The following POPDC1 variants were observed in gnomAD, a reference collection of about 807,000 sequenced individuals.
POPDC1 encodes popeye domain cAMP effector 1, also known as popeye domain-containing protein 1.
the POPDC1 span, chr6:105,101,062 T>C: frequency 6.3e-7 from 1 of 1,590,102 alleles, no homozygotes; most frequent in Admixed American, 1.8e-5. Flanking sequence ...ACACCTTCCG[T>C]CTTGGTAACC....
the POPDC1 span, chr6:105,115,698 T>G: frequency 1.2e-6 from 2 of 1,614,012 alleles, no homozygotes; most frequent in East Asian, 4.5e-5. Flanking sequence ...AGAGAGGACA[T>G]GCTGGAGGTA....
the POPDC1 span, among the ~76,000 whole-genome samples, chr6:105,112,957 G>T: frequency 1.3e-5 from 2 of 150,994 alleles, no homozygotes; most frequent in African/African-American, 4.9e-5. Flanking sequence ...TTTGATACAG[G>T]TCTCACTCTA....
chr6:105,117,410 C>T, the POPDC1 span, among the ~76,000 whole-genome samples: 7 of 152,254 alleles, frequency 4.6e-5, no homozygotes, highest in East Asian at 3.9e-4. Context: ...AGGTGTTTCT[C>T]GAGTGTCACA....
At chr6:105,103,894 G>A in the POPDC1 span, among the ~76,000 whole-genome samples, 145 of 152,304 alleles carry the variant, frequency 9.5e-4, no homozygotes, top group African/African-American at 3.4e-3. Context: ...AAATGGTTAA[G>A]TGAGAACTTC....
chr6:105,125,829 G>A, the POPDC1 span, among the ~76,000 whole-genome samples: 1 of 152,192 alleles, frequency 6.6e-6, no homozygotes, highest in Non-Finnish European at 1.5e-5. Context: ...TTGGGAGGCT[G>A]AGGTGGGAGG....
the POPDC1 span, among the ~76,000 whole-genome samples, chr6:105,128,108 G>A: frequency 6.6e-6 from 1 of 152,122 alleles, no homozygotes. Flanking sequence ...GTTTTTTTGA[G>A]CACCTACTGT....
At chr6:105,120,787 G>A in the POPDC1 span, among the ~76,000 whole-genome samples, 7 of 152,172 alleles carry the variant, frequency 4.6e-5, no homozygotes, top group East Asian at 3.8e-4. Context: ...ATCAGAAACC[G>A]CAGTGTGGCA....
chr6:105,129,615 T>TA, the POPDC1 span: 3 of 1,102,410 alleles, frequency 2.7e-6, no homozygotes, highest in South Asian at 6.3e-5. Context: ...CTGAAGGTGA[T>TA]ACTTTGCAAG....
the POPDC1 span, among the ~76,000 whole-genome samples, chr6:105,119,505 G>A: frequency 7.9e-5 from 12 of 152,138 alleles, no homozygotes; most frequent in South Asian, 2.1e-4. Context: ...TCCCACAGAC[G>A]GTATGAGGTG....
the POPDC1 span, among the ~76,000 whole-genome samples, chr6:105,115,312 T>C: frequency 6.6e-6 from 1 of 152,066 alleles, no homozygotes; most frequent in Admixed American, 6.5e-5. Context: ...ATGGTCTTGA[T>C]CTCCTGACCT....
chr6:105,124,376 C>T, the POPDC1 span, among the ~76,000 whole-genome samples: 3 of 106,966 alleles, frequency 2.8e-5, no homozygotes, highest in African/African-American at 7.3e-5. Flanking sequence ...TGCAAGACTC[C>T]GTCTCAAACA....
At chr6:105,107,097 T>TC in the POPDC1 span, among the ~76,000 whole-genome samples, 12 of 151,878 alleles carry the variant, frequency 7.9e-5, no homozygotes. Flanking sequence ...CCCCTCTACC[T>TC]CCCCCCACCC....
At chr6:105,133,655 T>C in the POPDC1 span, 1 of 1,101,318 alleles carries the variant, frequency 9.1e-7, no homozygotes, top group African/African-American at 1.6e-5. Context: ...CCTTCATAGG[T>C]ATTATACCAA....
At chr6:105,114,671 A>T in the POPDC1 span, among the ~76,000 whole-genome samples, 687 of 152,366 alleles carry the variant, frequency 4.5e-3, 8 homozygotes, top group African/African-American at 0.016. Flanking sequence ...AATAATTCTT[A>T]AAGTATTTAA....
At chr6:105,100,360 AT>A in the POPDC1 span, 1 of 150,740 alleles carries the variant, frequency 6.6e-6, no homozygotes, top group Admixed American at 6.6e-5. Context: ...ATACAAAAAA[AT>A]TAGCTGGGCG....
the POPDC1 span, among the ~76,000 whole-genome samples, chr6:105,105,039 T>C: frequency 6.6e-6 from 1 of 152,208 alleles, no homozygotes; most frequent in African/African-American, 2.4e-5. Flanking sequence ...AATGAGCTTA[T>C]TTCTTACCAG....
At chr6:105,109,458 G>A in the POPDC1 span, among the ~76,000 whole-genome samples, 2 of 152,042 alleles carry the variant, frequency 1.3e-5, no homozygotes, top group Non-Finnish European at 2.9e-5. Flanking sequence ...CCTAGAGTTG[G>A]TGAGAAGGTA....
chr6:105,097,032 A>G, the POPDC1 span: 1 of 152,676 alleles, frequency 6.5e-6, no homozygotes, highest in African/African-American at 2.4e-5. Flanking sequence ...CAAGTATAAC[A>G]GAAAAACCTA....
the POPDC1 span, chr6:105,129,300 T>C: frequency 7.9e-7 from 1 of 1,266,194 alleles, no homozygotes; most frequent in East Asian, 2.6e-5. Flanking sequence ...GCTAGATACT[T>C]ACTCTTAACT....
Sources: gnomAD v4.1 joint callset for allele counts (sites outside exome capture counted in the v4.1 genomes callset) on GRCh38, gnomAD v4.1.1 for gene constraint, MANE v1.5 for transcripts, NCBI Gene and HGNC (gene_info 2026-07-23, HGNC 2026-07-21) for gene names.